The following CSGALNACT1 variants were observed in gnomAD, a reference collection of about 807,000 sequenced individuals.
CSGALNACT1 encodes chondroitin sulfate N-acetylgalactosaminyltransferase 1, also known as beta4GalNAcT-1.
Under a neutral mutation model 51.0 loss-of-function variants are expected in CSGALNACT1, and 52 were observed. The observed-to-expected ratio is 1.02, with a 90% CI of 0.82 to 1.29. The LOEUF is 1.29. CSGALNACT1 is among the 50% of genes most tolerant of loss of function. The pLI is 0.00. For synonymous variants in CSGALNACT1, 341 were observed against 254.4 expected, an observed-to-expected ratio of 1.34 and a Z score of -3.24; for missense variants, 935 against 679.2, an observed-to-expected ratio of 1.38 and a Z score of -4.19.
intron 4 of CSGALNACT1, among the ~76,000 whole-genome samples, chr8:19,503,325 A>C (rs1350358878): frequency 6.6e-6 from 1 of 152,232 alleles, no homozygotes; most frequent in Admixed American, 6.5e-5. Flanking sequence ...AAGGTCAGCC[A>C]AGCCTCAGAG....
intron 1 of CSGALNACT1, among the ~76,000 whole-genome samples, chr8:19,748,582 C>T (rs2064834066): frequency 6.6e-6 from 1 of 152,172 alleles, no homozygotes; most frequent in South Asian, 2.1e-4. Flanking sequence ...TGTGCTGTAG[C>T]ATTTACGTAC....
intron 1 of CSGALNACT1, among the ~76,000 whole-genome samples, chr8:19,624,984 C>T (rs183157408): frequency 1.3e-5 from 2 of 152,308 alleles, no homozygotes; most frequent in Admixed American, 1.3e-4. Flanking sequence ...GCCGGTTTCA[C>T]CATCTTCTTG....
intron 1 of CSGALNACT1, among the ~76,000 whole-genome samples, chr8:19,704,623 T>C (rs2062057033): frequency 2.0e-5 from 3 of 152,202 alleles, no homozygotes; most frequent in African/African-American, 7.2e-5. Context: ...ACCTGCACTA[T>C]TTTCACTGCA....
intron 2 of CSGALNACT1, among the ~76,000 whole-genome samples, chr8:19,593,251 T>C (rs2048209876): frequency 1.3e-5 from 2 of 152,160 alleles, no homozygotes; most frequent in South Asian, 4.1e-4. Flanking sequence ...AAGTTCTCAG[T>C]CATCAGCCTG....
chr8:19,461,831 A>G lies in CSGALNACT1; in HGVS notation c.635-3189T>C, dbSNP rs13268111. ...CCCACAGCAGCCACATTAGCCATGG[A>G]GGGTGTATCTGCACAGCAGCCACAT... On this transcript the variant is annotated intron_variant, in intron 4 of 9. Coordinates refer to ENST00000454498, the Ensembl canonical transcript of CSGALNACT1. Among the ~76,000 whole-genome samples the G allele has an allele frequency of 0.016, 733 of 44,606 alleles. 258 individuals are homozygous for G. In the East Asian group the frequency reaches 0.19, roughly 12 times the overall value. The allele number at this position is 44,606 out of a possible 152,430, so 29.3% of individuals were successfully genotyped here. A position where few individuals can be genotyped will look rare whatever the true frequency, so the allele number is the denominator to read the frequency against.
At chr8:19,406,219 G>A (rs1385246460) in intron 9 of CSGALNACT1, 150 bp from the exon 9 acceptor site, 1 of 911,498 alleles carries the variant, frequency 1.1e-6, no homozygotes, top group East Asian at 2.5e-5. Flanking sequence ...TGTCCACCTG[G>A]GTCAGAAGCC....
At chr8:19,607,441 A>G (rs969495229), upstream of CSGALNACT1, among the ~76,000 whole-genome samples, 2 of 152,202 alleles carry the variant, frequency 1.3e-5, no homozygotes, top group African/African-American at 2.4e-5. Context: ...TTTCTCCTCA[A>G]TCAGTGAAGA....
At chr8:19,426,044 C>T (rs1326785445) in intron 6 of CSGALNACT1, among the ~76,000 whole-genome samples, 3 of 152,174 alleles carry the variant, frequency 2.0e-5, no homozygotes, top group African/African-American at 7.2e-5. Context: ...CTAGCAGACT[C>T]CACAGGCTTC....
In CSGALNACT1 at chr8:19,592,787, A is replaced by T. The variant is rs530005050; in HGVS notation, c.-415-1509T>A. On this transcript the variant is annotated intron_variant, in intron 2 of 9. Coordinates refer to ENST00000454498, the Ensembl canonical transcript of CSGALNACT1. ...CCTGTCTCTAATGAAAAAAAAATTTAAAAAAAGGGAAATGATGTAAAATGT... is the reference window on the plus strand; with the variant it reads ...CCTGTCTCTAATGAAAAAAAAATTTTAAAAAAGGGAAATGATGTAAAATGT... Among the ~76,000 whole-genome samples the T allele has an allele frequency of 1.3e-4, 20 of 152,254 alleles. No homozygotes were observed. The East Asian group carries it at 2.1e-3, about 16-fold the overall frequency.
intron 5 of CSGALNACT1, among the ~76,000 whole-genome samples, chr8:19,450,172 G>A (rs1350982348): frequency 2.1e-5 from 1 of 47,038 alleles, no homozygotes; most frequent in Non-Finnish European, 4.0e-5. Flanking sequence ...GGAGAAGGGG[G>A]AGAGTGAGGA....
At chr8:19,457,609 T>C (rs1372155563) in intron 5 of CSGALNACT1, 13 of 1,201,614 alleles carry the variant, frequency 1.1e-5, no homozygotes, top group Middle Eastern at 2.2e-4. Context: ...TAAGACTCCA[T>C]CTCAAAAAAA....
chr8:19,649,608 T>A (rs1373156616), intron 1 of CSGALNACT1, among the ~76,000 whole-genome samples: 1 of 151,814 alleles, frequency 6.6e-6, no homozygotes, highest in Non-Finnish European at 1.5e-5. Flanking sequence ...CTATACAGAA[T>A]TCACAGTTAC....
chr8:19,552,689 A>G (rs982179781), intron 3 of CSGALNACT1, among the ~76,000 whole-genome samples: 2 of 152,194 alleles, frequency 1.3e-5, no homozygotes, highest in Non-Finnish European at 2.9e-5. Flanking sequence ...GAAAATTTGT[A>G]TTGCTGATGT....
At chr8:19,459,511 A>G (rs550900044) in intron 4 of CSGALNACT1, among the ~76,000 whole-genome samples, 1 of 152,050 alleles carries the variant, frequency 6.6e-6, no homozygotes, top group Non-Finnish European at 1.5e-5. Context: ...ACCCTCTGGA[A>G]GCTTCTAGAA....
chr8:19,604,429 A>G (rs759820301), upstream of CSGALNACT1, among the ~76,000 whole-genome samples: 2 of 152,334 alleles, frequency 1.3e-5, 1 homozygote, highest in Middle Eastern at 6.8e-3. Flanking sequence ...TAATATTTCC[A>G]CTTTACAAAC....
At chr8:19,638,730 T>TA (rs1221442941) in intron 1 of CSGALNACT1, among the ~76,000 whole-genome samples, 4 of 152,108 alleles carry the variant, frequency 2.6e-5, no homozygotes, top group African/African-American at 9.7e-5. Flanking sequence ...CACTGGGTGG[T>TA]AACTTCCCTA....
At chr8:19,560,137 T>C (rs1013327990) in intron 3 of CSGALNACT1, among the ~76,000 whole-genome samples, 1 of 152,152 alleles carries the variant, frequency 6.6e-6, no homozygotes, top group East Asian at 1.9e-4. Flanking sequence ...GCACGGACCT[T>C]GGGGGACTGA....
chr8:19,623,871 G>A (rs892732881), intron 1 of CSGALNACT1, among the ~76,000 whole-genome samples: 1 of 152,176 alleles, frequency 6.6e-6, no homozygotes. Context: ...AATGACCTAA[G>A]ATGATTTCTC....
Position 19,633,911 on chromosome 8 carries a change from G to C in CSGALNACT1, c.-543-32046C>G, listed in dbSNP as rs185877379. Among the ~76,000 whole-genome samples, 18 of 152,212 alleles carry C rather than the reference G, an allele frequency of 1.2e-4. No homozygotes were observed. The East Asian group carries it at 2.9e-3, about 25-fold the overall frequency. Reference sequence around the variant, plus strand: ...TCTTCTGAGACTGGGGCCCAACCTTGCTGCACTAACCTCCTCCCCAGGGAC... The same window carrying C: ...TCTTCTGAGACTGGGGCCCAACCTTCCTGCACTAACCTCCTCCCCAGGGAC... On this transcript the variant is annotated intron_variant, in intron 1 of 9. Coordinates refer to the CSGALNACT1 transcript ENST00000332246.
Sources: gnomAD v4.1 joint callset for allele counts (sites outside exome capture counted in the v4.1 genomes callset) on GRCh38, gnomAD v4.1.1 for gene constraint, MANE v1.5 for transcripts, NCBI Gene and HGNC (gene_info 2026-07-23, HGNC 2026-07-21) for gene names.